NECAB1: variants seen among roughly 807,000 people sequenced by gnomAD.
NECAB1 encodes the protein N-terminal EF-hand calcium binding protein 1.
Under a neutral mutation model 57.5 loss-of-function variants are expected in NECAB1, and 29 were observed. The observed-to-expected ratio is 0.50, with a 90% CI of 0.38 to 0.69. NECAB1 has a LOEUF of 0.69. Ranked by LOEUF, NECAB1 falls within the 30% of genes least tolerant of loss-of-function variation. The pLI, the probability that NECAB1 is intolerant of heterozygous loss-of-function variation, is 0.00. For synonymous variants in NECAB1, 142 were observed against 147.7 expected (o/e 0.96, Z 0.28); for missense variants, 372 against 413.8 (o/e 0.90, Z 0.88).
chr8:90,791,815 C>G lies in NECAB1; in HGVS notation c.-72C>G. ...CCCGGCGGCGGCGAAGCAGCAGCTG[C>G]GGCCGCGCCCTTGCCAGAGCCGGTG... On this transcript the variant is annotated 5_prime_UTR_variant, in exon 1 of 13. Transcript: ENST00000417640. 7.9e-7 allele frequency: 1 copy of G among 1,272,930 alleles called. No homozygotes were observed. The highest frequency in any genetic ancestry group is 1.1e-6 in the Non-Finnish European group (1 of 911,316). The allele number at this position is 1,272,930 out of a possible 1,614,324, so 78.9% of individuals were successfully genotyped here.
chr8:90,792,532 C>T (rs1041009582), intron 1 of NECAB1, among the ~76,000 whole-genome samples: 11 of 152,190 alleles, frequency 7.2e-5, no homozygotes, highest in African/African-American at 2.4e-4. Flanking sequence ...CTTTTTGTCA[C>T]TGCCACCTCT....
chr8:90,905,182 A>C (rs1357118979), intron 5 of NECAB1, among the ~76,000 whole-genome samples: 1 of 152,244 alleles, frequency 6.6e-6, no homozygotes, highest in Non-Finnish European at 1.5e-5. Flanking sequence ...CATTTAAACA[A>C]ATGCTATAAA....
chr8:90,906,665 T>C (rs957810204), intron 5 of NECAB1, among the ~76,000 whole-genome samples: 2 of 151,964 alleles, frequency 1.3e-5, no homozygotes, highest in Non-Finnish European at 2.9e-5. Context: ...GTGCATTCTA[T>C]AGAAGGAGTA....
At chr8:90,898,585 C>T (rs1809420566) in intron 5 of NECAB1, among the ~76,000 whole-genome samples, 2 of 152,170 alleles carry the variant, frequency 1.3e-5, no homozygotes, top group South Asian at 4.1e-4. Flanking sequence ...TCCAATACCC[C>T]TGTCTTCTTC....
intron 5 of NECAB1, among the ~76,000 whole-genome samples, chr8:90,907,147 T>TGAGAGA (rs1310639488): frequency 6.9e-4 from 74 of 106,594 alleles, no homozygotes; most frequent in African/African-American, 9.1e-4. Flanking sequence ...TGTGTGTGTG[T>TGAGAGA]GTGTGAGAGA....
chr8:90,951,348 T>TG lies in NECAB1; in HGVS notation c.1030+150dup, dbSNP rs565630724. On this transcript the variant is annotated intron_variant, in intron 12 of 12. Coordinates refer to ENST00000417640, the MANE Select transcript of NECAB1 (RefSeq NM_022351.5). ...CTTTATATATTTTATGATTTGAGAT[T>TG]GGGGGGAAGAAATAAAAGATCTATA... 2.0e-3 allele frequency: 1,063 copies of TG among 536,908 alleles called. 4 individuals are homozygous for TG. Among genetic ancestry groups the TG allele is most frequent in the African/African-American group, 6.6e-3 (327 of 49,728 alleles). 33.3% of individuals were successfully genotyped at this position (536,908 alleles called of 1,614,324 possible). A position where few individuals can be genotyped will look rare whatever the true frequency, so the allele number is the denominator to read the frequency against.
rs531305831 is a variant in NECAB1, at chr8:90,877,383, A to G, written c.260-3650A>G. ...ATTTGAGGATGTCACTCTCCTTTCC[A>G]TGGCTTCCCATTGCCCATAGTGGTC... On this transcript the variant is annotated intron_variant, in intron 4 of 12. Coordinates refer to ENST00000417640, the MANE Select transcript of NECAB1 (RefSeq NM_022351.5). Among the ~76,000 whole-genome samples, 221 of 152,016 alleles carry G rather than the reference A, an allele frequency of 1.5e-3. 1 individual carries two copies. The highest frequency in any genetic ancestry group is 3.4e-3 in the Admixed American group (52 of 15,272).
chr8:90,847,450 G>C (rs1812589250), intron 3 of NECAB1, among the ~76,000 whole-genome samples: 1 of 152,212 alleles, frequency 6.6e-6, no homozygotes, highest in South Asian at 2.1e-4. Flanking sequence ...TAAGCTGTTG[G>C]TGGATTTACC....
intron 3 of NECAB1, among the ~76,000 whole-genome samples, chr8:90,832,073 C>T (rs4546617): frequency 0.4 from 60,736 of 151,932 alleles, 13,350 homozygotes; most frequent in East Asian, 0.81. Context: ...CTGTAGCCAT[C>T]GGATTTCCTT....
At chr8:90,888,264 C>A (rs1809058508) in intron 5 of NECAB1, among the ~76,000 whole-genome samples, 1 of 152,080 alleles carries the variant, frequency 6.6e-6, no homozygotes, top group Non-Finnish European at 1.5e-5. Context: ...GTACACTGTT[C>A]TATTTAAAAA....
At chr8:90,831,864 C>G (rs1196183949) in intron 3 of NECAB1, among the ~76,000 whole-genome samples, 2 of 152,152 alleles carry the variant, frequency 1.3e-5, no homozygotes, top group African/African-American at 4.8e-5. Flanking sequence ...TACTGTGCTA[C>G]ACTTATTTCT....
rs375024112 is a variant in NECAB1, at chr8:90,940,757, C to T, written c.748-29C>T. 13 of 1,523,266 alleles carry T rather than the reference C, an allele frequency of 8.5e-6. 1 individual carries two copies. The highest frequency in any genetic ancestry group is 1.8e-4 in the Middle Eastern group (1 of 5,530). 94.4% of individuals were successfully genotyped at this position (1,523,266 alleles called of 1,614,324 possible). On this transcript the variant is annotated intron_variant, in intron 9 of 12. Coordinates refer to ENST00000417640, the MANE Select transcript of NECAB1 (RefSeq NM_022351.5). ...TTAAATCGGGCTCCGTGACAGCCAA[C>T]GCAGTGACCCTCGCCCCTTCCTTGG...
At chr8:90,799,455 T>G (rs1811724578) in intron 1 of NECAB1, among the ~76,000 whole-genome samples, 1 of 152,206 alleles carries the variant, frequency 6.6e-6, no homozygotes, top group Non-Finnish European at 1.5e-5. Flanking sequence ...TATATCGAAA[T>G]TTTTAATCCA....
At chr8:90,891,058 G>A (rs900828309) in intron 5 of NECAB1, among the ~76,000 whole-genome samples, 35 of 152,172 alleles carry the variant, frequency 2.3e-4, no homozygotes, top group African/African-American at 8.2e-4. Context: ...GGGAAATAAT[G>A]AGAATGAAAG....
intron 3 of NECAB1, among the ~76,000 whole-genome samples, chr8:90,867,795 T>C (rs1808547681): frequency 6.6e-6 from 1 of 152,234 alleles, no homozygotes; most frequent in Non-Finnish European, 1.5e-5. Flanking sequence ...TGGCTGGCCT[T>C]GTATGCCACT....
chr8:90,894,716 T>TG (rs1396365239), intron 5 of NECAB1, among the ~76,000 whole-genome samples: 1 of 152,212 alleles, frequency 6.6e-6, no homozygotes, highest in Non-Finnish European at 1.5e-5. Context: ...TATATGGATA[T>TG]GATGGATTCT....
Position 90,881,082 on chromosome 8 carries a change from T to C in NECAB1, c.309T>C (p.Leu103=). Residue 103 remains leucine, a synonymous_variant, in exon 5 of 13, where the codon CTT becomes CTC. Coordinates refer to ENST00000417640, the MANE Select transcript of NECAB1 (RefSeq NM_022351.5). ...LGEYENVLAA[L]EDLNLSILKA... ...AGTATGAGAATGTACTAGCAGCACT[T>C]GAAGACCTGAATCTTTCCATCCTGA... 2.5e-6 allele frequency: 4 copies of C among 1,608,098 alleles called. No individual in the cohort carries two copies. The highest frequency in any genetic ancestry group is 3.4e-6 in the Non-Finnish European group (4 of 1,177,074).
At chr8:90,902,723 C>T (rs1809539394) in intron 5 of NECAB1, among the ~76,000 whole-genome samples, 1 of 152,008 alleles carries the variant, frequency 6.6e-6, no homozygotes, top group African/African-American at 2.4e-5. Flanking sequence ...AATGAAGACT[C>T]TTAAACATGA....
rs1808714929 is a variant in NECAB1 at position 90,875,833 on chromosome 8, T to C, written c.259+3680T>C. ...CAAGACCACGGTGAAACCCCATCTC[T>C]ACTAAAAATACAAAAAAAAAAAAAA... is the stretch of plus-strand genomic sequence containing the variant. On this transcript the variant is annotated intron_variant, in intron 4 of 12. Coordinates refer to ENST00000417640, the MANE Select transcript of NECAB1 (RefSeq NM_022351.5). Among the ~76,000 whole-genome samples, 7 of 93,816 alleles carry C rather than the reference T, an allele frequency of 7.5e-5. No homozygotes were observed. The Admixed American group carries it at 8.2e-4, about 11-fold the overall frequency. 61.5% of individuals were successfully genotyped at this position (93,816 alleles called of 152,430 possible).
Sources: gnomAD v4.1 joint callset for allele counts (sites outside exome capture counted in the v4.1 genomes callset) on GRCh38, gnomAD v4.1.1 for gene constraint, MANE v1.5 for transcripts, NCBI Gene and HGNC (gene_info 2026-07-23, HGNC 2026-07-21) for gene names.